PTPRD: variants seen among roughly 807,000 people sequenced by gnomAD.
The protein encoded by PTPRD is receptor-type tyrosine-protein phosphatase delta.
A neutral mutation model predicts 214.5 loss-of-function variants in PTPRD; 34 were observed. The ratio of observed to expected loss-of-function variants is 0.16; its 90% CI spans 0.12 to 0.21. PTPRD has a LOEUF of 0.21. Ranked by LOEUF, PTPRD falls within the 10% of genes least tolerant of loss-of-function variation. The probability of loss-of-function intolerance (pLI) is 1.00; values close to 1 mark genes in which losing one functional copy is unlikely to be tolerated. For missense variants in PTPRD, 2,545 were observed against 2,398.7 expected (o/e 1.06, Z -1.27); for synonymous variants, 1,128 against 845.7 (o/e 1.33, Z -5.79).
At chr9:9,280,717 T>C (rs966481200) in intron 9 of PTPRD, among the ~76,000 whole-genome samples, 12 of 151,366 alleles carry the variant, frequency 7.9e-5, no homozygotes, top group Non-Finnish European at 1.5e-4. Flanking sequence ...ACTTGATTTA[T>C]AGACTTAATA....
chr9:8,725,357 T>A (rs554349025), intron 12 of PTPRD, among the ~76,000 whole-genome samples: 1 of 152,190 alleles, frequency 6.6e-6, no homozygotes, highest in Non-Finnish European at 1.5e-5. Context: ...TTGCTTTTAA[T>A]CCACATTTTA....
intron 9 of PTPRD, among the ~76,000 whole-genome samples, chr9:9,270,262 TAAC>T (rs1682133269): frequency 6.6e-6 from 1 of 151,306 alleles, no homozygotes; most frequent in South Asian, 2.1e-4. Context: ...AATAAATAAG[TAAC>T]ATTTGTGATA....
At chr9:10,363,116 A>G (rs1161034295) in intron 2 of PTPRD, among the ~76,000 whole-genome samples, 1 of 152,146 alleles carries the variant, frequency 6.6e-6, no homozygotes, top group Admixed American at 6.5e-5. Context: ...GCTAATCTCT[A>G]GATTTTCTGA....
chr9:8,892,329 A>G (rs2098546790), intron 11 of PTPRD, among the ~76,000 whole-genome samples: 1 of 152,092 alleles, frequency 6.6e-6, no homozygotes, highest in Non-Finnish European at 1.5e-5. Context: ...ACCTTTCTTC[A>G]TCATCACAGA....
intron 4 of PTPRD, among the ~76,000 whole-genome samples, chr9:10,005,551 G>T (rs1014044854): frequency 6.6e-6 from 1 of 152,090 alleles, no homozygotes; most frequent in Admixed American, 6.6e-5. Context: ...ATTTAAGAGT[G>T]TGTCTTTATC....
At chr9:9,376,069 G>GCTCAAGGAAGAC (rs138994169) in intron 9 of PTPRD, among the ~76,000 whole-genome samples, 37,558 of 151,754 alleles carry the variant, frequency 0.25, 6,064 homozygotes, top group African/African-American at 0.45. Context: ...ATGAGAACTT[G>GCTCAAGGAAGAC]CTCATCATTA....
chr9:9,222,639 T>G (rs1483340332), intron 9 of PTPRD, among the ~76,000 whole-genome samples: 1 of 151,986 alleles, frequency 6.6e-6, no homozygotes, highest in African/African-American at 2.4e-5. Flanking sequence ...ACAGATGAAA[T>G]ATGCAAAAGA....
chr9:8,910,774 A>G (rs1420441119), intron 11 of PTPRD, among the ~76,000 whole-genome samples: 1 of 152,232 alleles, frequency 6.6e-6, no homozygotes, highest in Non-Finnish European at 1.5e-5. Context: ...CGTAATATAA[A>G]ATCAAGATAC....
chr9:10,606,263 G>T (rs759409350), intron 2 of PTPRD, among the ~76,000 whole-genome samples: 9 of 151,710 alleles, frequency 5.9e-5, no homozygotes, highest in Non-Finnish European at 8.8e-5. Context: ...TAACCATTTG[G>T]GTGAAGAATA....
At chr9:9,834,420 T>G (rs1185975177) in intron 5 of PTPRD, among the ~76,000 whole-genome samples, 5 of 152,048 alleles carry the variant, frequency 3.3e-5, no homozygotes, top group East Asian at 3.9e-4. Flanking sequence ...ACTCCACAAA[T>G]TCACCAATCA....
intron 5 of PTPRD, among the ~76,000 whole-genome samples, chr9:9,902,324 T>C (rs2076595286): frequency 6.6e-6 from 1 of 152,188 alleles, no homozygotes; most frequent in Non-Finnish European, 1.5e-5. Flanking sequence ...CAACATCGTG[T>C]AAACCAAAGA....
chr9:9,195,895 T>C (rs2099938306), intron 9 of PTPRD, among the ~76,000 whole-genome samples: 2 of 152,114 alleles, frequency 1.3e-5, no homozygotes, highest in South Asian at 2.1e-4. Context: ...TATTATTAAA[T>C]ACAAAGGCTA....
chr9:9,518,425 G>C (rs1241722131), intron 8 of PTPRD, among the ~76,000 whole-genome samples: 1 of 152,066 alleles, frequency 6.6e-6, no homozygotes, highest in Non-Finnish European at 1.5e-5. Context: ...AGATGTGTAG[G>C]AGATAGGTGC....
At chr9:10,393,287 TTG>T (rs140870482) in intron 2 of PTPRD, among the ~76,000 whole-genome samples, 5,178 of 150,420 alleles carry the variant, frequency 0.034, 98 homozygotes, top group East Asian at 0.065. Flanking sequence ...GTCTGCTATT[TTG>T]TGTGTGTGTG....
intron 9 of PTPRD, among the ~76,000 whole-genome samples, chr9:9,218,867 T>A (rs73388849): frequency 0.076 from 11,503 of 152,160 alleles, 518 homozygotes; most frequent in African/African-American, 0.12. Flanking sequence ...GAGGCAACAC[T>A]GCAACCTCCC....
At chr9:10,538,281 AATAAATAAATAAAT>A (rs1192306100) in intron 2 of PTPRD, among the ~76,000 whole-genome samples, 104 of 147,676 alleles carry the variant, frequency 7.0e-4, no homozygotes, top group African/African-American at 2.6e-3. Flanking sequence ...TAAATAAATA[AATAAATAAATAAAT>A]AAAAAGGGAG....
intron 3 of PTPRD, among the ~76,000 whole-genome samples, chr9:10,243,872 ATT>A (rs1169741762): frequency 1.3e-5 from 2 of 150,884 alleles, no homozygotes; most frequent in East Asian, 3.9e-4. Flanking sequence ...TGGATTAATC[ATT>A]TTTTTTTCTG....
intron 4 of PTPRD, among the ~76,000 whole-genome samples, chr9:10,020,058 G>A (rs1397016676): frequency 6.6e-6 from 1 of 152,130 alleles, no homozygotes; most frequent in Non-Finnish European, 1.5e-5. Context: ...AGTTTCAGAT[G>A]TTGAAGAAAG....
chr9:10,599,897 T>C (rs2077538748), intron 2 of PTPRD, among the ~76,000 whole-genome samples: 1 of 151,818 alleles, frequency 6.6e-6, no homozygotes, highest in Non-Finnish European at 1.5e-5. Context: ...ATAATCATCA[T>C]GCTTAATCAC....
Sources: allele counts gnomAD v4.1 joint callset (sites outside exome capture counted in the v4.1 genomes callset), GRCh38; gene constraint gnomAD v4.1.1; transcripts MANE v1.5; gene names NCBI Gene and HGNC (gene_info 2026-07-23, HGNC 2026-07-21).